LRRC4C: variants seen among roughly 807,000 people sequenced by gnomAD.
The protein encoded by LRRC4C is leucine-rich repeat-containing protein 4C.
A neutral mutation model predicts 33.6 loss-of-function variants in LRRC4C; 5 were observed. That is an observed-to-expected ratio of 0.15 (90% CI 0.08 to 0.31). The LOEUF (loss-of-function observed/expected upper bound fraction) is 0.31, where lower values mean the gene tolerates loss of function less well. Ranked by LOEUF, LRRC4C falls within the 10% of genes least tolerant of loss-of-function variation. LRRC4C has a pLI of 1.00. For missense variants in LRRC4C, 560 were observed against 796.7 expected, an observed-to-expected ratio of 0.70 and a Z score of 3.58; for synonymous variants, 329 against 302.0, an observed-to-expected ratio of 1.09 and a Z score of -0.93.
chr11:41,351,650 C>T (rs1295467004), intron 1 of LRRC4C, among the ~76,000 whole-genome samples: 1 of 152,176 alleles, frequency 6.6e-6, no homozygotes, highest in Non-Finnish European at 1.5e-5. Flanking sequence ...GAACTTTCAG[C>T]AGACACTTTA....
At position 40,430,554 on chromosome 11, in the gene LRRC4C, T is replaced by C. The variant is rs532092899; in HGVS notation, c.-269-110833A>G. 3.9e-5 allele frequency among the ~76,000 whole-genome samples: 6 copies of C among 152,242 alleles called. No homozygotes were observed. The South Asian group carries it at 1.2e-3, about 32-fold the overall frequency. On this transcript the variant is annotated intron_variant, in intron 3 of 6. Transcript: ENST00000528697. ...CTTCTCTTACATAGATACAATTGTC[T>C]TCCTAAAGGAATAGAAAGCTTTGCA...
chr11:41,071,809 A>G (rs1056735785), intron 1 of LRRC4C, among the ~76,000 whole-genome samples: 1 of 152,286 alleles, frequency 6.6e-6, no homozygotes, highest in East Asian at 1.9e-4. Flanking sequence ...AGGATTCTCT[A>G]TTCTAGATAC....
At chr11:40,689,268 A>C (rs2136388373) in intron 2 of LRRC4C, among the ~76,000 whole-genome samples, 1 of 152,208 alleles carries the variant, frequency 6.6e-6, no homozygotes, top group East Asian at 1.9e-4. Context: ...AGAGAGGCTC[A>C]GCAGGTAAGA....
At chr11:40,882,803 T>G (rs1025070031) in intron 2 of LRRC4C, among the ~76,000 whole-genome samples, 1 of 152,112 alleles carries the variant, frequency 6.6e-6, no homozygotes, top group Non-Finnish European at 1.5e-5. Flanking sequence ...AAAATGGAGT[T>G]GGAGTGAGAG....
chr11:40,154,424 A>G (rs1297148004), intron 5 of LRRC4C, among the ~76,000 whole-genome samples: 1 of 152,176 alleles, frequency 6.6e-6, no homozygotes, highest in Non-Finnish European at 1.5e-5. Flanking sequence ...GAACTGCAGA[A>G]TGGATAAGAA....
intron 1 of LRRC4C, among the ~76,000 whole-genome samples, chr11:41,027,499 G>C (rs2137768787): frequency 6.6e-6 from 1 of 151,672 alleles, no homozygotes; most frequent in East Asian, 1.9e-4. Context: ...CAACTAATAA[G>C]GTCACCAAAC....
At chr11:41,191,076 G>A (rs1300628583) in intron 1 of LRRC4C, among the ~76,000 whole-genome samples, 2 of 152,060 alleles carry the variant, frequency 1.3e-5, no homozygotes, top group Non-Finnish European at 2.9e-5. Context: ...TTCTCTTTAA[G>A]GGCAAAGTGT....
intron 4 of LRRC4C, chr11:40,242,025 T>C (rs1173004128): frequency 6.6e-6 from 1 of 152,134 alleles, no homozygotes; most frequent in African/African-American, 2.4e-5. Flanking sequence ...GTCCAGCCCT[T>C]GACTGGACCC....
At chr11:40,870,795 A>G (rs890273451) in intron 2 of LRRC4C, among the ~76,000 whole-genome samples, 1 of 152,198 alleles carries the variant, frequency 6.6e-6, no homozygotes, top group Non-Finnish European at 1.5e-5. Flanking sequence ...TTTGAACAAT[A>G]TGAAATCTGG....
At chr11:40,409,008 T>C (rs974268444) in intron 3 of LRRC4C, among the ~76,000 whole-genome samples, 3 of 152,028 alleles carry the variant, frequency 2.0e-5, no homozygotes, top group East Asian at 1.9e-4. Context: ...CTTTAAAATA[T>C]ACTGTAAAGC....
At chr11:41,034,134 A>C (rs1856890324) in intron 1 of LRRC4C, among the ~76,000 whole-genome samples, 1 of 152,038 alleles carries the variant, frequency 6.6e-6, no homozygotes, top group African/African-American at 2.4e-5. Flanking sequence ...TAATGGAATA[A>C]GGAGGGCTCT....
chr11:41,198,021 TAGAAAC>T (rs1226763141), intron 1 of LRRC4C, among the ~76,000 whole-genome samples: 8 of 151,902 alleles, frequency 5.3e-5, no homozygotes, highest in Non-Finnish European at 8.8e-5. Flanking sequence ...TTTTCTAACT[TAGAAAC>T]AGAAATATAA....
intron 1 of LRRC4C, among the ~76,000 whole-genome samples, chr11:41,235,325 T>G (rs76862433): frequency 0.021 from 3,235 of 152,184 alleles, 117 homozygotes; most frequent in African/African-American, 0.074. Context: ...CTATACTCAT[T>G]TTGGTCCTTT....
chr11:40,999,384 G>A (rs1264700226), intron 1 of LRRC4C, among the ~76,000 whole-genome samples: 2 of 152,110 alleles, frequency 1.3e-5, no homozygotes, highest in East Asian at 1.9e-4. Flanking sequence ...TCTGTAATTT[G>A]TAGCATTTCC....
rs183378867 is a variant in LRRC4C, at chr11:40,540,741, C to A, written c.-270+107401G>T. Among the ~76,000 whole-genome samples, 863 of 152,256 alleles carry A rather than the reference C, an allele frequency of 5.7e-3. 24 individuals carry two copies. The highest frequency in any genetic ancestry group is 0.032 in the Admixed American group (491 of 15,282). On this transcript the variant is annotated intron_variant, in intron 3 of 6. Coordinates refer to ENST00000528697, the MANE Select transcript of LRRC4C (RefSeq NM_001258419.2). ...TTGAGCTTCTATTGTGGAATCTCAGCAGAAGTAGATTCAAATAGTTTTAGT... is the reference window on the plus strand; with the variant it reads ...TTGAGCTTCTATTGTGGAATCTCAGAAGAAGTAGATTCAAATAGTTTTAGT...
At chr11:40,380,381 CT>C (rs1390498993) in intron 3 of LRRC4C, among the ~76,000 whole-genome samples, 3 of 152,016 alleles carry the variant, frequency 2.0e-5, no homozygotes, top group African/African-American at 7.2e-5. Context: ...TAAATTGTGC[CT>C]GGGGAAAATC....
chr11:41,363,734 G>A (rs1319727757), intron 1 of LRRC4C, among the ~76,000 whole-genome samples: 2 of 152,064 alleles, frequency 1.3e-5, no homozygotes, highest in African/African-American at 4.8e-5. Context: ...ATTTCTCAAG[G>A]TTATGGTTTT....
intron 4 of LRRC4C, among the ~76,000 whole-genome samples, chr11:40,316,099 C>G (rs1011509695): frequency 3.3e-5 from 5 of 151,900 alleles, no homozygotes; most frequent in African/African-American, 1.2e-4. Flanking sequence ...TGGAAAAAGT[C>G]TATGCATTTT....
intron 3 of LRRC4C, among the ~76,000 whole-genome samples, chr11:40,482,515 C>T (rs1953632382): frequency 6.6e-6 from 1 of 152,106 alleles, no homozygotes; most frequent in Admixed American, 6.6e-5. Context: ...GTTACCGAGG[C>T]TGGAGTGCAA....
Sources: gnomAD v4.1 joint callset for allele counts (sites outside exome capture counted in the v4.1 genomes callset) on GRCh38, gnomAD v4.1.1 for gene constraint, MANE v1.5 for transcripts, NCBI Gene and HGNC (gene_info 2026-07-23, HGNC 2026-07-21) for gene names.